The following VPS4B variants were observed in gnomAD, a reference collection of about 807,000 sequenced individuals.
The protein encoded by VPS4B is vacuolar protein sorting-associated protein 4B.
A neutral mutation model predicts 56.1 loss-of-function variants in VPS4B; 23 were observed. The observed-to-expected ratio is 0.41, with a 90% CI of 0.30 to 0.58. The LOEUF (loss-of-function observed/expected upper bound fraction) is 0.58, where lower values mean the gene tolerates loss of function less well. VPS4B is among the 20% of genes least tolerant of loss of function. The probability of loss-of-function intolerance (pLI) is 0.29; values close to 1 mark genes in which losing one functional copy is unlikely to be tolerated. For missense variants in VPS4B, 372 were observed against 531.9 expected (o/e 0.70, Z 2.96); for synonymous variants, 177 against 186.0 (o/e 0.95, Z 0.39).
At chr18:63,415,811 C>A (rs1008526909) in intron 1 of VPS4B, 3 of 197,472 alleles carry the variant, frequency 1.5e-5, no homozygotes, top group Admixed American at 5.6e-5. Context: ...AATTTCTATA[C>A]AAATTCAGAG....
intron 1 of VPS4B, among the ~76,000 whole-genome samples, 180 bp downstream of exon 1, chr18:63,422,053 G>A (rs1916315230): frequency 6.6e-6 from 1 of 152,204 alleles, no homozygotes; most frequent in African/African-American, 2.4e-5. Flanking sequence ...GAGCGGGCCA[G>A]AAACGACCTT....
intron 4 of VPS4B, chr18:63,404,790 T>C (rs1169948336): frequency 2.0e-5 from 3 of 152,292 alleles, no homozygotes; most frequent in South Asian, 4.1e-4. Flanking sequence ...TTGTTTCTTC[T>C]TGTTAGGAAA....
At chr18:63,414,348 T>G (rs949350929) in intron 1 of VPS4B, among the ~76,000 whole-genome samples, 4 of 151,500 alleles carry the variant, frequency 2.6e-5, no homozygotes, top group African/African-American at 9.7e-5. Flanking sequence ...CTAGCCTGGG[T>G]GACAGAGCAA....
chr18:63,408,443 A>G (rs1344625423), intron 3 of VPS4B, among the ~76,000 whole-genome samples: 2 of 152,180 alleles, frequency 1.3e-5, no homozygotes, highest in African/African-American at 4.8e-5. Context: ...CAGTACTATA[A>G]AGGCTGTCCT....
chr18:63,396,983 G>C (rs1347989801), intron 9 of VPS4B, 51 bp downstream of exon 9: 5 of 1,470,782 alleles, frequency 3.4e-6, no homozygotes, highest in Non-Finnish European at 4.6e-6. Flanking sequence ...GAGTGAGACT[G>C]TCTCAAAAAA....
At chr18:63,407,070 C>CCTA (rs1729520707) in intron 4 of VPS4B, among the ~76,000 whole-genome samples, 1 of 152,208 alleles carries the variant, frequency 6.6e-6, no homozygotes. Flanking sequence ...ACGTGTAAGT[C>CCTA]CTAACTTCTC....
At chr18:63,418,953 C>T (rs1396153384) in intron 1 of VPS4B, among the ~76,000 whole-genome samples, 1 of 152,170 alleles carries the variant, frequency 6.6e-6, no homozygotes, top group African/African-American at 2.4e-5. Context: ...TTGATTGTCT[C>T]CACAAGCATC....
At chr18:63,396,966 G>A (rs1330403125) in intron 9 of VPS4B, 68 bp downstream of exon 9, 4 of 1,499,488 alleles carry the variant, frequency 2.7e-6, no homozygotes, top group Non-Finnish European at 2.7e-6. Flanking sequence ...CTCCAGCCTG[G>A]GCAACAGAGT....
intron 1 of VPS4B, among the ~76,000 whole-genome samples, chr18:63,413,436 G>C (rs1214927328): frequency 6.6e-6 from 1 of 151,624 alleles, no homozygotes; most frequent in Admixed American, 6.6e-5. Flanking sequence ...CTACTTGGGA[G>C]ACTGAGGCAG....
At position 63,422,435 on chromosome 18, in the gene VPS4B, T is replaced by A; in HGVS notation, c.-176A>T. On this transcript the variant is annotated 5_prime_UTR_variant, in exon 1 of 11. Transcript: ENST00000238497. ...TAGACAACACTCTCTCCACCAGAGC[T>A]CCGACCCTCCCCACCAAACTTCCGC... 1 of 475,060 alleles carries A rather than the reference T, an allele frequency of 2.1e-6. No individual in the cohort carries two copies. The highest frequency in any genetic ancestry group is 3.5e-6 in the Non-Finnish European group (1 of 284,658). The allele number at this position is 475,060 out of a possible 1,614,324, so 29.4% of individuals were successfully genotyped here.
rs971200362 is a variant in VPS4B at position 63,413,840 on chromosome 18, C to T, written c.28-2262G>A. Among the ~76,000 whole-genome samples the T allele has an allele frequency of 5.3e-5, 8 of 152,212 alleles. No homozygotes were observed. In the East Asian group the frequency reaches 5.8e-4, roughly 11 times the overall value. On this transcript the variant is annotated intron_variant, in intron 1 of 10. Coordinates refer to ENST00000238497, the MANE Select transcript of VPS4B (RefSeq NM_004869.4). ...CTGTAAATGGGAGGAACAGGTCTCCCGCTGGAAGACCATGCTTCCTCTATT... is the reference window on the plus strand; with the variant it reads ...CTGTAAATGGGAGGAACAGGTCTCCTGCTGGAAGACCATGCTTCCTCTATT...
intron 8 of VPS4B, among the ~76,000 whole-genome samples, chr18:63,398,108 A>G (rs8091623): frequency 0.55 from 84,125 of 151,594 alleles, 23,987 homozygotes; most frequent in East Asian, 0.88. Context: ...CTTTCCTAGA[A>G]CTGAAGTTTC....
rs1915606379 is a variant in VPS4B at position 63,393,674 on chromosome 18, A to G, written c.1093-125T>C. 1.1e-5 allele frequency: 11 copies of G among 1,019,246 alleles called. No individual in the cohort carries two copies. The South Asian group carries it at 1.7e-4, about 16-fold the overall frequency. 63.1% of individuals were successfully genotyped at this position (1,019,246 alleles called of 1,614,324 possible). On this transcript the variant is annotated intron_variant, in intron 9 of 10. Transcript: ENST00000238497. Reference sequence around the variant, plus strand: ...GTTTTATTAGAATGTTTACTTTTGGAAAAAAAATTAAGAATATACAACAAA... The same window carrying G: ...GTTTTATTAGAATGTTTACTTTTGGGAAAAAAATTAAGAATATACAACAAA...
intron 1 of VPS4B, among the ~76,000 whole-genome samples, chr18:63,418,246 T>C (rs945665968): frequency 2.0e-5 from 3 of 152,144 alleles, no homozygotes; most frequent in Admixed American, 6.6e-5. Flanking sequence ...CCCATGTTCA[T>C]CCCAGTTTCC....
intron 4 of VPS4B, among the ~76,000 whole-genome samples, chr18:63,404,213 G>A (rs1915869143): frequency 6.6e-6 from 1 of 152,086 alleles, no homozygotes; most frequent in Non-Finnish European, 1.5e-5. Flanking sequence ...TGATTTTGGA[G>A]TATCAAAAGT....
chr18:63,394,744 C>T (rs545261547), intron 9 of VPS4B, among the ~76,000 whole-genome samples: 3 of 152,296 alleles, frequency 2.0e-5, no homozygotes, highest in South Asian at 2.1e-4. Context: ...GGATTACAGG[C>T]GTGAGCCACC....
At chr18:63,417,011 C>T (rs1916181708) in intron 1 of VPS4B, among the ~76,000 whole-genome samples, 1 of 152,170 alleles carries the variant, frequency 6.6e-6, no homozygotes, top group Admixed American at 6.5e-5. Flanking sequence ...GAGGTAGGTT[C>T]CATGAGGACA....
chr18:63,399,779 G>A (rs1189760419), intron 7 of VPS4B, among the ~76,000 whole-genome samples: 2 of 151,406 alleles, frequency 1.3e-5, no homozygotes, highest in East Asian at 4.0e-4. Flanking sequence ...CAGTTTGTTA[G>A]AATGGAGAAA....
intron 3 of VPS4B, among the ~76,000 whole-genome samples, chr18:63,407,730 G>A (rs1438768878): frequency 2.0e-5 from 3 of 152,124 alleles, no homozygotes; most frequent in Non-Finnish European, 4.4e-5. Flanking sequence ...ATGAAGTCAG[G>A]AACTAGCTCC....
Sources: allele counts gnomAD v4.1 joint callset (sites outside exome capture counted in the v4.1 genomes callset), GRCh38; gene constraint gnomAD v4.1.1; transcripts MANE v1.5; gene names NCBI Gene and HGNC (gene_info 2026-07-23, HGNC 2026-07-21).